The following ZRANB1 variants were observed in gnomAD, a reference collection of about 807,000 sequenced individuals.
The protein encoded by ZRANB1 is ubiquitin thioesterase ZRANB1.
ZRANB1 carries 16 observed loss-of-function variants against 80.5 expected under a neutral mutation model. The ratio of observed to expected loss-of-function variants is 0.20; its 90% CI spans 0.13 to 0.30. ZRANB1 has a LOEUF of 0.30. ZRANB1 is among the 10% of genes least tolerant of loss of function. ZRANB1 has a pLI of 1.00. For synonymous variants in ZRANB1, 291 were observed against 293.1 expected (o/e 0.99, Z 0.07); for missense variants, 576 against 862.6 (o/e 0.67, Z 4.16).
chr10:124,950,928 G>T (rs754776104), intron 1 of ZRANB1, among the ~76,000 whole-genome samples: 1 of 152,168 alleles, frequency 6.6e-6, no homozygotes. Flanking sequence ...GGCCATGATT[G>T]TGTCACTGCA....
At chr10:124,979,868 T>G (rs74929363) in intron 5 of ZRANB1, among the ~76,000 whole-genome samples, 3,180 of 152,362 alleles carry the variant, frequency 0.021, 124 homozygotes, top group African/African-American at 0.073. Flanking sequence ...TATTTTTCTA[T>G]TGATTTATTT....
At chr10:124,918,301 C>T in the ZRANB1 span, among the ~76,000 whole-genome samples, 1 of 152,208 alleles carries the variant, frequency 6.6e-6, no homozygotes, top group Admixed American at 6.5e-5. Context: ...AGCGATTCTC[C>T]TGCTTCTGCC....
chr10:124,966,716 T>C lies in ZRANB1; in HGVS notation c.937T>C (p.Tyr313His). The change falls in exon 2 of 9, where the codon TAT becomes CAT. Residue 313 changes from tyrosine to histidine, a missense_variant. Transcript: ENST00000359653. ...LNRPSAFDVGYTLVHLAIRFQ... is the reference protein window; with the variant it reads ...LNRPSAFDVGHTLVHLAIRFQ... ...TCGTCCTTCTGCCTTTGATGTTGGC[T>C]ATACTCTTGTACACTTGGCTATACG... 1.2e-6 allele frequency: 2 copies of C among 1,614,180 alleles called. No individual in the cohort carries two copies. Among genetic ancestry groups the C allele is most frequent in the East Asian group, 4.5e-5 (2 of 44,876 alleles).
chr10:124,922,432 C>G, the ZRANB1 span, among the ~76,000 whole-genome samples: 1 of 149,870 alleles, frequency 6.7e-6, no homozygotes, highest in Non-Finnish European at 1.5e-5. Flanking sequence ...CTCAAGCTAT[C>G]CTCTCACTTC....
intron 1 of ZRANB1, among the ~76,000 whole-genome samples, chr10:124,943,573 A>G (rs1301213709): frequency 1.3e-5 from 2 of 152,138 alleles, no homozygotes; most frequent in Non-Finnish European, 2.9e-5. Context: ...AGTCACTAGC[A>G]TTTGATTCAT....
the ZRANB1 span, chr10:124,917,400 G>A: frequency 6.6e-6 from 1 of 151,128 alleles, no homozygotes; most frequent in African/African-American, 2.4e-5. Context: ...CGTCGCAGGC[G>A]CGGGGAGGGC....
intron 6 of ZRANB1, among the ~76,000 whole-genome samples, chr10:124,982,544 A>T (rs886637394): frequency 6.6e-6 from 1 of 152,200 alleles, no homozygotes; most frequent in African/African-American, 2.4e-5. Context: ...GCACTTCAGT[A>T]TACCAAACTG....
At chr10:124,922,016 A>G in the ZRANB1 span, among the ~76,000 whole-genome samples, 1 of 151,902 alleles carries the variant, frequency 6.6e-6, no homozygotes, top group Non-Finnish European at 1.5e-5. Flanking sequence ...CCCAGGCCAG[A>G]GTGCAGTGCT....
At chr10:124,919,911 C>CG in the ZRANB1 span, among the ~76,000 whole-genome samples, 1 of 77,230 alleles carries the variant, frequency 1.3e-5, no homozygotes, top group Non-Finnish European at 2.5e-5. Context: ...GCGCCCGGCC[C>CG]CCCCCCCCCC....
In ZRANB1 at chr10:124,986,309, A is replaced by ACACACACACC. The variant is rs2134016433; in HGVS notation, c.*1326_*1327insCCACACACAC. The ACACACACACC allele has an allele frequency of 7.8e-6, 1 of 128,640 alleles. No homozygotes were observed. Among genetic ancestry groups the ACACACACACC allele is most frequent in the East Asian group, 2.0e-4 (1 of 5,092 alleles). 8.0% of individuals were successfully genotyped at this position (128,640 alleles called of 1,614,324 possible). On this transcript the variant is annotated 3_prime_UTR_variant, in exon 9 of 9. Transcript: ENST00000359653. ...CGCGCGCGCACACACACACACACACACACACACACACACAGTTTTTTCCTT... is the reference window on the plus strand; with the variant it reads ...CGCGCGCGCACACACACACACACACACACACACACCCACACACACACACAGTTTTTTCCTT...
chr10:124,934,702 G>C, the ZRANB1 span, among the ~76,000 whole-genome samples: 1 of 152,208 alleles, frequency 6.6e-6, no homozygotes. Flanking sequence ...GAGATGTCAG[G>C]TGGGCAACTG....
the ZRANB1 span, among the ~76,000 whole-genome samples, chr10:124,926,803 C>T: frequency 3.3e-5 from 5 of 152,282 alleles, no homozygotes; most frequent in South Asian, 2.1e-4. Flanking sequence ...TCACTACAAA[C>T]GTGAGTAATG....
the ZRANB1 span, among the ~76,000 whole-genome samples, chr10:124,926,256 A>T: frequency 6.6e-6 from 1 of 152,334 alleles, no homozygotes; most frequent in Non-Finnish European, 1.5e-5. Flanking sequence ...AAGTTTATTT[A>T]AAAAATTTTC....
the ZRANB1 span, among the ~76,000 whole-genome samples, chr10:124,918,096 G>T: frequency 6.6e-6 from 1 of 152,122 alleles, no homozygotes; most frequent in East Asian, 1.9e-4. Flanking sequence ...TTTAAGCGCC[G>T]CCCCATCTTA....
chr10:124,973,705 A>G lies in ZRANB1; in HGVS notation c.1217A>G (p.Asp406Gly). ...EKLFDEVLDR[D>G]VQKELEEESP... ...TTATTTGATGAGGTGCTTGATAGAG[A>G]CGTTCAAAAAGGTAAGCATGGAATT... The change falls in exon 4 of 9, where the codon GAC becomes GGC. Residue 406 changes from aspartate (D) to glycine (G), a missense_variant. Physicochemically the swap from Asp to Gly is moderately conservative, Grantham distance 94. Transcript: ENST00000359653. 6.2e-7 allele frequency: 1 copy of G among 1,612,214 alleles called. No individual in the cohort carries two copies. Among genetic ancestry groups the G allele is most frequent in the Non-Finnish European group, 8.5e-7 (1 of 1,179,468 alleles).
At chr10:124,950,791 G>A (rs1951632734) in intron 1 of ZRANB1, among the ~76,000 whole-genome samples, 1 of 152,088 alleles carries the variant, frequency 6.6e-6, no homozygotes, top group Non-Finnish European at 1.5e-5. Flanking sequence ...ACCAACCTGG[G>A]CAACTTGGCG....
chr10:124,929,868 C>T, the ZRANB1 span, among the ~76,000 whole-genome samples: 1 of 150,716 alleles, frequency 6.6e-6, no homozygotes, highest in Admixed American at 6.6e-5. Flanking sequence ...ATCACTTGAA[C>T]CTGGGAGGCA....
the ZRANB1 span, among the ~76,000 whole-genome samples, chr10:124,936,948 C>T: frequency 2.6e-5 from 4 of 151,962 alleles, no homozygotes; most frequent in East Asian, 7.7e-4. Flanking sequence ...ATCTTTAAGG[C>T]TGCTTTTTGT....
rs988584767 is a variant in ZRANB1 at position 124,942,730 on chromosome 10, G to A, written c.237G>A (p.Ser79=). 15 of 1,614,040 alleles carry A rather than the reference G, an allele frequency of 9.3e-6. No homozygotes were observed. Among genetic ancestry groups the A allele is most frequent in the East Asian group, 8.9e-5 (4 of 44,898 alleles). The change falls in exon 1 of 9, where the codon TCG becomes TCA. Residue 79 remains serine (S), a synonymous_variant. Coordinates refer to ENST00000359653, the MANE Select transcript of ZRANB1 (RefSeq NM_017580.3). The part of the protein sequence containing the change: ...DSSARPRVKS[S]YSMENANKWS... ...GTGCAAGACCAAGGGTGAAATCTTC[G>A]TATAGCATGGAAAATGCAAATAAGT...
Sources: allele counts gnomAD v4.1 joint callset (sites outside exome capture counted in the v4.1 genomes callset), GRCh38; gene constraint gnomAD v4.1.1; transcripts MANE v1.5; gene names NCBI Gene and HGNC (gene_info 2026-07-23, HGNC 2026-07-21).